Variants in C1orf21 observed in about 807,000 individuals in gnomAD.
C1orf21 encodes uncharacterized protein C1orf21.
In C1orf21, 3 loss-of-function variants were observed where a neutral mutation model predicts 18.7. The ratio of observed to expected loss-of-function variants is 0.16; its 90% CI spans 0.07 to 0.42. C1orf21 has a LOEUF of 0.42. Ranked by LOEUF, C1orf21 falls within the 10% of genes least tolerant of loss-of-function variation. The pLI is 0.99. For missense variants in C1orf21, 104 were observed against 143.6 expected (o/e 0.72, Z 1.41); for synonymous variants, 41 against 46.4 (o/e 0.88, Z 0.47).
At chr1:184,418,938 A>G (rs1656502117) in intron 1 of C1orf21, among the ~76,000 whole-genome samples, 1 of 152,190 alleles carries the variant, frequency 6.6e-6, no homozygotes, top group Non-Finnish European at 1.5e-5. Context: ...TTATAAAAGT[A>G]CAGCTTCTTT....
intron 1 of C1orf21, among the ~76,000 whole-genome samples, chr1:184,458,917 T>C (rs1571367853): frequency 1.3e-5 from 2 of 152,348 alleles, no homozygotes; most frequent in Middle Eastern, 6.8e-3. Flanking sequence ...ATACCTTTAT[T>C]ATTAAATTTC....
intron 3 of C1orf21, among the ~76,000 whole-genome samples, chr1:184,516,703 G>A (rs1342631151): frequency 2.0e-5 from 3 of 152,176 alleles, no homozygotes; most frequent in Non-Finnish European, 2.9e-5. Flanking sequence ...ACTACCATGA[G>A]AACAGTATGG....
intron 1 of C1orf21, among the ~76,000 whole-genome samples, chr1:184,452,205 G>A: frequency 6.6e-6 from 1 of 152,180 alleles, no homozygotes; most frequent in East Asian, 1.9e-4. Flanking sequence ...TAAGATAGAA[G>A]GTTTGATTGG....
chr1:184,535,324 C>G (rs890683668), intron 3 of C1orf21, among the ~76,000 whole-genome samples: 1 of 152,148 alleles, frequency 6.6e-6, no homozygotes, highest in Non-Finnish European at 1.5e-5. Flanking sequence ...TTAGTATCAG[C>G]TCTCTCAACA....
intron 2 of C1orf21, among the ~76,000 whole-genome samples, chr1:184,503,077 C>CAAAAAA (rs199599189): frequency 4.9e-5 from 3 of 61,626 alleles, no homozygotes; most frequent in African/African-American, 6.8e-5. Context: ...GAAACTGTCT[C>CAAAAAA]AAAAAAAAAA....
At chr1:184,459,977 G>A (rs541874772) in intron 1 of C1orf21, among the ~76,000 whole-genome samples, 18 of 152,184 alleles carry the variant, frequency 1.2e-4, no homozygotes, top group African/African-American at 3.4e-4. Flanking sequence ...TCAGCACACC[G>A]TTTCCCTTCA....
intron 4 of C1orf21, among the ~76,000 whole-genome samples, chr1:184,593,251 T>G (rs1375707461): frequency 1.3e-5 from 2 of 151,282 alleles, no homozygotes; most frequent in African/African-American, 4.9e-5. Context: ...GAAAATTCTG[T>G]TTTCCCCACA....
chr1:184,519,403 A>G (rs1441901556), intron 3 of C1orf21, among the ~76,000 whole-genome samples: 1 of 152,240 alleles, frequency 6.6e-6, no homozygotes, highest in Admixed American at 6.5e-5. Context: ...ATATTTAAGT[A>G]GAAAGTAGAA....
chr1:184,508,094 C>G (rs1658093861), intron 3 of C1orf21, among the ~76,000 whole-genome samples: 1 of 152,054 alleles, frequency 6.6e-6, no homozygotes, highest in South Asian at 2.1e-4. Flanking sequence ...TCAAAGGAAT[C>G]AAAGGTCATT....
At chr1:184,464,327 G>C (rs1026885446) in intron 1 of C1orf21, among the ~76,000 whole-genome samples, 5 of 152,206 alleles carry the variant, frequency 3.3e-5, no homozygotes, top group African/African-American at 4.8e-5. Flanking sequence ...CCTGCACTAT[G>C]ATGAGGGCTA....
rs991157928 is a variant in C1orf21, at chr1:184,519,643, G to C, written c.189+11961G>C. Among the ~76,000 whole-genome samples the C allele has an allele frequency of 5.3e-5, 8 of 152,178 alleles. No individual in the cohort carries two copies. In the East Asian group the frequency reaches 1.5e-3, roughly 29 times the overall value. On this transcript the variant is annotated intron_variant, in intron 3 of 5. Transcript: ENST00000235307. ...GGTGTTACTTTCTGCAGGTTGTTCA[G>C]ATTTCTCTCTTATTCCCTATGTGTT...
chr1:184,604,929 A>G (rs1190628677), intron 5 of C1orf21, among the ~76,000 whole-genome samples: 8 of 152,210 alleles, frequency 5.3e-5, no homozygotes, highest in Admixed American at 5.2e-4. Context: ...AGAAAAGGAG[A>G]GTTCAGTTTC....
At chr1:184,418,664 C>G (rs1424395035) in intron 1 of C1orf21, among the ~76,000 whole-genome samples, 2 of 152,182 alleles carry the variant, frequency 1.3e-5, no homozygotes, top group Admixed American at 6.5e-5. Context: ...TACAGAATGC[C>G]TTTCTTTTGT....
chr1:184,595,349 C>T (rs1659498194), intron 4 of C1orf21, among the ~76,000 whole-genome samples: 1 of 152,136 alleles, frequency 6.6e-6, no homozygotes, highest in African/African-American at 2.4e-5. Flanking sequence ...CTCCTCATCT[C>T]CCCCACTCAC....
chr1:184,547,869 T>C (rs1658748560), intron 3 of C1orf21, among the ~76,000 whole-genome samples: 1 of 152,054 alleles, frequency 6.6e-6, no homozygotes, highest in Admixed American at 6.6e-5. Context: ...CAATCTGAAA[T>C]GTTGACCCAG....
chr1:184,434,577 C>A (rs1460068706), intron 1 of C1orf21, among the ~76,000 whole-genome samples: 2 of 152,130 alleles, frequency 1.3e-5, no homozygotes, highest in Non-Finnish European at 2.9e-5. Flanking sequence ...CAGAAGAAGA[C>A]AGGATGGTAC....
intron 3 of C1orf21, among the ~76,000 whole-genome samples, chr1:184,559,508 T>TCCC (rs1658925329): frequency 1.7e-5 from 1 of 59,278 alleles, no homozygotes; most frequent in African/African-American, 9.0e-5. Flanking sequence ...CCTTCCCCCC[T>TCCC]TCCTTCCTTC....
At chr1:184,518,721 G>A (rs1571396159) in intron 3 of C1orf21, among the ~76,000 whole-genome samples, 2 of 152,056 alleles carry the variant, frequency 1.3e-5, no homozygotes, top group African/African-American at 4.8e-5. Context: ...TTCTATTTCA[G>A]TGTACTCTCA....
At chr1:184,439,404 A>G (rs971157451) in intron 1 of C1orf21, among the ~76,000 whole-genome samples, 11 of 149,060 alleles carry the variant, frequency 7.4e-5, no homozygotes, top group African/African-American at 2.7e-4. Context: ...TAATGAAATC[A>G]TCTAGTATGT....
Sources: allele counts gnomAD v4.1 joint callset (sites outside exome capture counted in the v4.1 genomes callset), GRCh38; gene constraint gnomAD v4.1.1; transcripts MANE v1.5; gene names NCBI Gene and HGNC (gene_info 2026-07-23, HGNC 2026-07-21).